HYCC1: variants seen among roughly 807,000 people sequenced by gnomAD.
HYCC1 encodes the protein hyccin.
the HYCC1 span, chr7:22,936,576 G>A: frequency 6.6e-6 from 1 of 152,198 alleles, no homozygotes; most frequent in Non-Finnish European, 1.5e-5. Context: ...CCTATTTTAA[G>A]AAGTCCAATA....
the HYCC1 span, among the ~76,000 whole-genome samples, chr7:22,985,389 A>C: frequency 3.3e-3 from 506 of 152,308 alleles, 2 homozygotes; most frequent in African/African-American, 0.01. Context: ...CTCATACGCA[A>C]ATCTTTGCTG....
chr7:22,928,221 C>G, the HYCC1 span, among the ~76,000 whole-genome samples: 1 of 152,138 alleles, frequency 6.6e-6, no homozygotes, highest in African/African-American at 2.4e-5. Context: ...AAACCCACAG[C>G]CAATATCATA....
chr7:22,973,183 A>C, the HYCC1 span, among the ~76,000 whole-genome samples: 2 of 152,222 alleles, frequency 1.3e-5, no homozygotes, highest in Admixed American at 1.3e-4. Flanking sequence ...TAAGATCATT[A>C]AGAAGCTCTT....
the HYCC1 span, among the ~76,000 whole-genome samples, chr7:22,921,575 C>A: frequency 1.3e-5 from 2 of 152,064 alleles, no homozygotes; most frequent in South Asian, 2.1e-4. Flanking sequence ...AACATTTCTA[C>A]ATCTCAGTGG....
chr7:22,910,986 C>T, the HYCC1 span, among the ~76,000 whole-genome samples: 2 of 151,914 alleles, frequency 1.3e-5, no homozygotes, highest in Non-Finnish European at 2.9e-5. Flanking sequence ...CTTATCTTTT[C>T]GGACTTGTGC....
the HYCC1 span, among the ~76,000 whole-genome samples, chr7:23,005,221 T>C: frequency 6.6e-6 from 1 of 152,112 alleles, no homozygotes; most frequent in Non-Finnish European, 1.5e-5. Context: ...AAAAGAATGC[T>C]GACTCTGGAG....
chr7:23,000,236 C>A, the HYCC1 span, among the ~76,000 whole-genome samples: 20 of 152,058 alleles, frequency 1.3e-4, no homozygotes, highest in African/African-American at 4.6e-4. Flanking sequence ...CTTTTTTCTA[C>A]ACATATGCTA....
At chr7:22,905,386 A>ATTTTTTTTTTTTTTTTT in the HYCC1 span, among the ~76,000 whole-genome samples, 6 of 44,470 alleles carry the variant, frequency 1.3e-4, no homozygotes, top group Non-Finnish European at 2.1e-4. Context: ...CTAATTTTGT[A>ATTTTTTTTTTTTTTTTT]TTTTTTTTTT....
chr7:22,939,597 AT>A, the HYCC1 span: 1 of 152,192 alleles, frequency 6.6e-6, no homozygotes, highest in African/African-American at 2.4e-5. Flanking sequence ...GAACACTTTG[AT>A]TTTATCTTAC....
chr7:22,918,204 G>C, the HYCC1 span, among the ~76,000 whole-genome samples: 128 of 152,196 alleles, frequency 8.4e-4, 1 homozygote, highest in Non-Finnish European at 2.1e-4. Flanking sequence ...GATGTCATGG[G>C]TCCTCCCAAT....
At chr7:22,976,185 T>A in the HYCC1 span, 1 of 1,355,330 alleles carries the variant, frequency 7.4e-7, no homozygotes, top group Non-Finnish European at 1.1e-6. Context: ...ATTTCAATAT[T>A]AGAAGCACTT....
At chr7:22,911,499 C>G in the HYCC1 span, among the ~76,000 whole-genome samples, 3 of 152,190 alleles carry the variant, frequency 2.0e-5, no homozygotes, top group South Asian at 2.1e-4. Flanking sequence ...GTGGCTCACG[C>G]CTGTAATCTC....
At chr7:22,978,706 G>A in the HYCC1 span, among the ~76,000 whole-genome samples, 1 of 152,124 alleles carries the variant, frequency 6.6e-6, no homozygotes, top group South Asian at 2.1e-4. Flanking sequence ...CCCGCCTCCT[G>A]AGTTTATAAT....
chr7:23,001,611 T>C, the HYCC1 span, among the ~76,000 whole-genome samples: 147 of 152,242 alleles, frequency 9.7e-4, no homozygotes, highest in Non-Finnish European at 1.7e-3. Context: ...TAAAAGAACA[T>C]GGTAGGGTAC....
the HYCC1 span, among the ~76,000 whole-genome samples, chr7:22,968,591 T>G: frequency 6.6e-6 from 1 of 152,188 alleles, no homozygotes; most frequent in East Asian, 1.9e-4. Flanking sequence ...TTACCCAATA[T>G]GGCCCTATAG....
chr7:22,955,458 G>C, the HYCC1 span, among the ~76,000 whole-genome samples: 3 of 151,550 alleles, frequency 2.0e-5, no homozygotes, highest in East Asian at 5.8e-4. Flanking sequence ...AAAAAATCGA[G>C]ATTCCACTGG....
At chr7:22,906,501 C>G in the HYCC1 span, among the ~76,000 whole-genome samples, 5 of 150,880 alleles carry the variant, frequency 3.3e-5, no homozygotes, top group African/African-American at 1.2e-4. Context: ...TCACTTGAAC[C>G]TAGGAGGCTG....
At chr7:22,976,020 C>A in the HYCC1 span, among the ~76,000 whole-genome samples, 1 of 152,156 alleles carries the variant, frequency 6.6e-6, no homozygotes, top group Non-Finnish European at 1.5e-5. Context: ...GCATCCGGCC[C>A]TTTATCATGT....
At chr7:22,945,563 G>C in the HYCC1 span, 1 of 1,534,566 alleles carries the variant, frequency 6.5e-7, no homozygotes, top group East Asian at 2.2e-5. Context: ...GGTTCACTAG[G>C]TTATGGGAGA....
Sources: allele counts gnomAD v4.1 joint callset (sites outside exome capture counted in the v4.1 genomes callset), GRCh38; gene constraint gnomAD v4.1.1; transcripts MANE v1.5; gene names NCBI Gene and HGNC (gene_info 2026-07-23, HGNC 2026-07-21).